Variants in ACAP2 observed in about 807,000 individuals in gnomAD.
ACAP2 encodes the protein arf-GAP with coiled-coil, ANK repeat and PH domain-containing protein 2.
Under a neutral mutation model 115.8 loss-of-function variants are expected in ACAP2, and 39 were observed. The ratio of observed to expected loss-of-function variants is 0.34; its 90% CI spans 0.26 to 0.44. ACAP2 has a LOEUF of 0.44. Ranked by LOEUF, ACAP2 falls within the 20% of genes least tolerant of loss-of-function variation. The probability of loss-of-function intolerance (pLI) is 1.00; values close to 1 mark genes in which losing one functional copy is unlikely to be tolerated. For missense variants in ACAP2, 662 were observed against 927.6 expected (o/e 0.71, Z 3.72); for synonymous variants, 289 against 315.8 (o/e 0.92, Z 0.90).
At chr3:195,282,976 C>T (rs1726601917) in intron 22 of ACAP2, among the ~76,000 whole-genome samples, 1 of 152,178 alleles carries the variant, frequency 6.6e-6, no homozygotes. Context: ...GCACATGAGA[C>T]CCACCCCAGG....
intron 1 of ACAP2, among the ~76,000 whole-genome samples, chr3:195,436,824 G>A (rs1715579189): frequency 6.6e-6 from 1 of 152,076 alleles, no homozygotes; most frequent in South Asian, 2.1e-4. Flanking sequence ...TTTTTTAAAG[G>A]TGTTAGAACA....
rs149447196 is a variant in ACAP2, at chr3:195,398,382, C to A, written c.54-6235G>T. Among the ~76,000 whole-genome samples the A allele has an allele frequency of 6.1e-3, 931 of 151,988 alleles. 9 individuals are homozygous for A. The highest frequency in any genetic ancestry group is 0.021 in the African/African-American group (876 of 41,448). The stretch of plus-strand genomic sequence containing the variant: ...TCCACTGGCCAGGCATGGTGGCTCA[C>A]GGCTGTAATCCCAGCACTTTGGGAG... On this transcript the variant is annotated intron_variant, in intron 1 of 22. Transcript: ENST00000326793.
intron 4 of ACAP2, among the ~76,000 whole-genome samples, chr3:195,354,287 A>G (rs1731805979): frequency 6.6e-6 from 1 of 152,208 alleles, no homozygotes; most frequent in Non-Finnish European, 1.5e-5. Context: ...GCTGTTGTGA[A>G]TAGTGCTGCA....
chr3:195,428,627 G>C (rs1293201706), intron 1 of ACAP2, among the ~76,000 whole-genome samples: 1 of 152,092 alleles, frequency 6.6e-6, no homozygotes, highest in Admixed American at 6.5e-5. Context: ...TACCATCTAA[G>C]TTGTGTAAAT....
At chr3:195,394,817 G>GC (rs1711599006) in intron 1 of ACAP2, among the ~76,000 whole-genome samples, 1 of 152,142 alleles carries the variant, frequency 6.6e-6, no homozygotes, top group Admixed American at 6.6e-5. Flanking sequence ...GACTGCTTGA[G>GC]CCCGGAGGAT....
At position 195,291,699 on chromosome 3, in the gene ACAP2, C is replaced by T. The variant is rs769360602; in HGVS notation, c.2063+7G>A. On this transcript the variant is annotated splice_region_variant and intron_variant, in intron 20 of 22. Transcript: ENST00000326793. Reference sequence around the variant, plus strand: ...AGTCTCCTTAAATATGAAAGCACTGCAGTTACCCTGTGTGCCCTAAGACGG... The same window carrying T: ...AGTCTCCTTAAATATGAAAGCACTGTAGTTACCCTGTGTGCCCTAAGACGG... 1.9e-6 allele frequency: 3 copies of T among 1,597,884 alleles called. No homozygotes were observed. In the Admixed American group the frequency reaches 5.3e-5, roughly 28 times the overall value.
intron 18 of ACAP2, among the ~76,000 whole-genome samples, chr3:195,294,491 T>A (rs997930137): frequency 3.8e-4 from 56 of 147,606 alleles, no homozygotes; most frequent in African/African-American, 1.4e-3. Context: ...GGCAGGAGAA[T>A]CACTTGAAAC....
chr3:195,379,372 A>C (rs557664079), intron 4 of ACAP2, among the ~76,000 whole-genome samples: 1 of 152,340 alleles, frequency 6.6e-6, no homozygotes, highest in Non-Finnish European at 1.5e-5. Flanking sequence ...GAAAGTAAAA[A>C]AGAAAACCTA....
At chr3:195,351,138 G>T (rs1175873723) in intron 4 of ACAP2, among the ~76,000 whole-genome samples, 1 of 148,352 alleles carries the variant, frequency 6.7e-6, no homozygotes, top group Admixed American at 6.7e-5. Flanking sequence ...TTGGGCGGGG[G>T]ACAGGGTCTT....
intron 13 of ACAP2, 69 bp from the exon 14 acceptor site, chr3:195,302,243 G>A (rs1216734132): frequency 3.6e-6 from 5 of 1,369,914 alleles, no homozygotes; most frequent in Non-Finnish European, 4.0e-6. Context: ...CACACTACAT[G>A]CTCCAAACTA....
chr3:195,302,219 GAAAT>G (rs1227870731), intron 13 of ACAP2, 45 bp from the exon 14 acceptor site: 1 of 1,490,572 alleles, frequency 6.7e-7, no homozygotes, highest in Non-Finnish European at 9.2e-7. Flanking sequence ...AAAAAAGATT[GAAAT>G]ACTTTGTTGC....
rs1472008757 is a variant in ACAP2, at chr3:195,418,105, GGACTT to G, written c.53+24685_53+24689del. On this transcript the variant is annotated intron_variant, in intron 1 of 22. Transcript: ENST00000326793. ...ATACTTTTCCTGCATTTGGGCCTTTGGACTTACAGTTCTCTCTGCCAGAAGCCCTC... is the reference window on the plus strand; with the variant it reads ...ATACTTTTCCTGCATTTGGGCCTTTGACAGTTCTCTCTGCCAGAAGCCCTC... 2.0e-5 allele frequency among the ~76,000 whole-genome samples: 3 copies of G among 152,192 alleles called. No individual in the cohort carries two copies. The East Asian group carries it at 5.8e-4, about 29-fold the overall frequency.
chr3:195,433,700 G>C (rs887475313), intron 1 of ACAP2, among the ~76,000 whole-genome samples: 1 of 152,158 alleles, frequency 6.6e-6, no homozygotes, highest in Non-Finnish European at 1.5e-5. Context: ...CTATTGAGAT[G>C]ATTGTGTTGT....
intron 5 of ACAP2, 26 bp downstream of exon 5, chr3:195,345,233 T>C (rs1279187688): frequency 1.3e-6 from 2 of 1,555,202 alleles, no homozygotes; most frequent in Non-Finnish European, 8.9e-7. Context: ...GTTAATTTTC[T>C]TTCCTCTTCA....
chr3:195,284,239 C>T (rs1386026235), intron 22 of ACAP2, among the ~76,000 whole-genome samples: 1 of 152,226 alleles, frequency 6.6e-6, no homozygotes, highest in African/African-American at 2.4e-5. Flanking sequence ...TCACTCTTCT[C>T]TTACAAATAT....
chr3:195,343,565 G>A (rs946967487), intron 5 of ACAP2, among the ~76,000 whole-genome samples: 8 of 152,138 alleles, frequency 5.3e-5, no homozygotes, highest in Non-Finnish European at 8.8e-5. Context: ...CAGCTGGGAC[G>A]ACAGGCACAT....
At chr3:195,382,083 C>CA in intron 2 of ACAP2, 61 bp from the exon 3 acceptor site, 1 of 1,515,736 alleles carries the variant, frequency 6.6e-7, no homozygotes, top group Non-Finnish European at 9.0e-7. Context: ...CTTAGTTGAA[C>CA]AAGTGTTGGC....
At chr3:195,298,047 T>C (rs1335716749) in intron 15 of ACAP2, among the ~76,000 whole-genome samples, 1 of 151,990 alleles carries the variant, frequency 6.6e-6, no homozygotes, top group Non-Finnish European at 1.5e-5. Context: ...CATACGTAGG[T>C]AAAAGGGACA....
chr3:195,352,803 T>G (rs937228539), intron 4 of ACAP2, among the ~76,000 whole-genome samples: 23 of 152,090 alleles, frequency 1.5e-4, no homozygotes, highest in African/African-American at 5.3e-4. Flanking sequence ...TAAAAGGCAT[T>G]GAAGCTTCCA....
Sources: gnomAD v4.1 joint callset for allele counts (sites outside exome capture counted in the v4.1 genomes callset) on GRCh38, gnomAD v4.1.1 for gene constraint, MANE v1.5 for transcripts, NCBI Gene and HGNC (gene_info 2026-07-23, HGNC 2026-07-21) for gene names.